Variants in WASHC2C observed in about 807,000 individuals in gnomAD.
WASHC2C encodes Vaccinia Penetration Factor.
Under a neutral mutation model 142.2 loss-of-function variants are expected in WASHC2C, and 73 were observed. That is an observed-to-expected ratio of 0.51 (90% CI 0.43 to 0.62). The LOEUF (loss-of-function observed/expected upper bound fraction) is 0.62, where lower values mean the gene tolerates loss of function less well. Among genes scored for constraint, WASHC2C ranks in the 20% least tolerant of loss-of-function variants. The pLI, the probability that WASHC2C is intolerant of heterozygous loss-of-function variation, is 0.00. For missense variants in WASHC2C, 969 were observed against 1,531.7 expected (o/e 0.63, Z 6.13); for synonymous variants, 337 against 565.5 (o/e 0.60, Z 5.73).
chr10:45,792,138 T>C lies in WASHC2C; in HGVS notation c.3887-123T>C. The C allele has an allele frequency of 3.8e-6, 4 of 1,061,282 alleles. 1 individual carries two copies. In the South Asian group the frequency reaches 4.3e-5, roughly 11 times the overall value. 65.7% of individuals were successfully genotyped at this position (1,061,282 alleles called of 1,614,324 possible). A position where few individuals can be genotyped will look rare whatever the true frequency, so the allele number is the denominator to read the frequency against. On this transcript the variant is annotated intron_variant, in intron 30 of 30. Transcript: ENST00000623400. The stretch of plus-strand genomic sequence containing the variant: ...AATCTAAGAGGCTTGAGTTCTAGGT[T>C]AGTGTTTTAGGGTACTCCATGCTGT...
chr10:45,771,170 GC>G, intron 20 of WASHC2C, among the ~76,000 whole-genome samples: 1 of 151,974 alleles, frequency 6.6e-6, no homozygotes, highest in Admixed American at 6.6e-5. Flanking sequence ...TTGAAGAACA[GC>G]CTGACCAACA....
intron 11 of WASHC2C, 72 bp from the exon 12 acceptor site, chr10:45,752,516 T>C: frequency 7.9e-7 from 1 of 1,270,380 alleles, no homozygotes; most frequent in Non-Finnish European, 1.1e-6. Flanking sequence ...ACACAGCAGA[T>C]GCCAACCCGG....
chr10:45,763,841 A>G (rs1312634267), intron 18 of WASHC2C, among the ~76,000 whole-genome samples: 2 of 151,966 alleles, frequency 1.3e-5, no homozygotes, highest in Non-Finnish European at 2.9e-5. Context: ...AGCTGGGACT[A>G]CAGGTACGCA....
intron 2 of WASHC2C, 144 bp downstream of exon 2, chr10:45,727,683 A>G (rs1329127691): frequency 1.6e-6 from 2 of 1,274,598 alleles, no homozygotes; most frequent in African/African-American, 3.1e-5. Context: ...AGCCCCCGAG[A>G]ATGCCACCCT....
At chr10:45,752,794 G>A in intron 12 of WASHC2C, 88 bp downstream of exon 12, 2 of 881,590 alleles carry the variant, frequency 2.3e-6, no homozygotes, top group Non-Finnish European at 3.5e-6. Flanking sequence ...GTTTAGTGGG[G>A]GAAAAACAGT....
At chr10:45,735,144 C>A (rs2051060871) in intron 3 of WASHC2C, among the ~76,000 whole-genome samples, 1 of 151,620 alleles carries the variant, frequency 6.6e-6, no homozygotes, top group African/African-American at 2.4e-5. Context: ...GGCAAGTCCC[C>A]ATAATCTGTT....
intron 3 of WASHC2C, among the ~76,000 whole-genome samples, chr10:45,736,431 A>AAAAAAAAGGG (rs2051278411): frequency 6.7e-6 from 1 of 149,506 alleles, no homozygotes; most frequent in African/African-American, 2.5e-5. Flanking sequence ...AAAAAAAAAA[A>AAAAAAAAGGG]AAAAAAGGGC....
In WASHC2C at chr10:45,754,482, C is replaced by G; in HGVS notation, c.1181-4C>G. 1.9e-6 allele frequency: 3 copies of G among 1,585,240 alleles called. No individual in the cohort carries two copies. The highest frequency in any genetic ancestry group is 2.3e-5 in the South Asian group (2 of 88,082). Reference sequence around the variant, plus strand: ...AATGGTTACCCCTTGCTTTCTCATTCTAGAGTCTTCATCATCCAAACCTGG... The same window carrying G: ...AATGGTTACCCCTTGCTTTCTCATTGTAGAGTCTTCATCATCCAAACCTGG... On this transcript the variant is annotated splice_region_variant and splice_polypyrimidine_tract_variant and intron_variant, in intron 13 of 30. Coordinates refer to ENST00000623400, the MANE Select transcript of WASHC2C (RefSeq NM_001330074.2).
rs2054371998 is a variant in WASHC2C, at chr10:45,756,889, C to G, written c.1421-123C>G. The G allele has an allele frequency of 5.1e-6, 4 of 777,358 alleles. No homozygotes were observed. The South Asian group carries it at 5.6e-5, about 11-fold the overall frequency. 48.2% of individuals were successfully genotyped at this position (777,358 alleles called of 1,614,324 possible). On this transcript the variant is annotated intron_variant, in intron 15 of 30. Transcript: ENST00000623400. Reference sequence around the variant, plus strand: ...AGTTCCACTTACTATTTCTTTATAACTAATCAAGAAACAACATAACTTTTT... The same window carrying G: ...AGTTCCACTTACTATTTCTTTATAAGTAATCAAGAAACAACATAACTTTTT...
In WASHC2C at chr10:45,765,727, C is replaced by G; in HGVS notation, c.1786C>G (p.Gln596Glu). The stretch of plus-strand genomic sequence containing the variant: ...TGCTAAGAAGCAGACATTGTCTCTA[C>G]AAGCTCAGAGAGAAGAGAAAGCAAA... The part of the protein sequence containing the change: ...TAAKKQTLSL[Q>E]AQREEKAKAS... The change falls in exon 19 of 31, where the codon CAA (glutamine) becomes GAA (glutamate). Residue 596 changes from glutamine (Q) to glutamate (E), a missense_variant. Coordinates refer to ENST00000623400, the MANE Select transcript of WASHC2C (RefSeq NM_001330074.2). 1 of 1,612,014 alleles carries G rather than the reference C, an allele frequency of 6.2e-7. No individual in the cohort carries two copies. The highest frequency in any genetic ancestry group is 2.2e-5 in the East Asian group (1 of 44,878).
intron 21 of WASHC2C, among the ~76,000 whole-genome samples, chr10:45,775,679 A>ATTTTT (rs1554886147): frequency 5.1e-5 from 7 of 137,864 alleles, no homozygotes; most frequent in African/African-American, 1.9e-4. Context: ...ATTTGCATTG[A>ATTTTT]ATTTTTTTTT....
chr10:45,738,711 T>A (rs1217886450), intron 4 of WASHC2C, among the ~76,000 whole-genome samples: 6 of 152,118 alleles, frequency 3.9e-5, no homozygotes, highest in African/African-American at 1.4e-4. Flanking sequence ...ATTTAAAAAA[T>A]TTTTTTATTT....
chr10:45,790,654 G>A, intron 30 of WASHC2C, 121 bp downstream of exon 30: 2 of 841,770 alleles, frequency 2.4e-6, no homozygotes, highest in Non-Finnish European at 4.0e-6. Flanking sequence ...TCACTTCAGT[G>A]TAATCCTGAG....
At position 45,727,279 on chromosome 10, in the gene WASHC2C, T is replaced by G; in HGVS notation, c.-39T>G. ...CCGGGGCTCTGCGGTCCTCGGCCTGTGCTGGCAGCCTCGGAGCCCACCGAG... is the reference window on the plus strand; with the variant it reads ...CCGGGGCTCTGCGGTCCTCGGCCTGGGCTGGCAGCCTCGGAGCCCACCGAG... On this transcript the variant is annotated 5_prime_UTR_variant, in exon 1 of 31. Transcript: ENST00000623400. 5.2e-6 allele frequency: 8 copies of G among 1,551,554 alleles called. No homozygotes were observed. The highest frequency in any genetic ancestry group is 6.1e-6 in the Non-Finnish European group (7 of 1,149,354).
At chr10:45,777,064 G>A (rs1440404451) in intron 21 of WASHC2C, among the ~76,000 whole-genome samples, 1 of 151,858 alleles carries the variant, frequency 6.6e-6, no homozygotes, top group Non-Finnish European at 1.5e-5. Flanking sequence ...CAGGTGATAT[G>A]GTGGCGTGAA....
At chr10:45,765,974 T>C (rs1337313400) in intron 19 of WASHC2C, among the ~76,000 whole-genome samples, 164 bp downstream of exon 19, 3 of 152,234 alleles carry the variant, frequency 2.0e-5, no homozygotes, top group African/African-American at 7.2e-5. Context: ...TAATGTAATA[T>C]ATTAATTTAA....
At chr10:45,749,131 G>T (rs554350430) in intron 8 of WASHC2C, among the ~76,000 whole-genome samples, 2 of 152,032 alleles carry the variant, frequency 1.3e-5, no homozygotes, top group South Asian at 4.2e-4. Context: ...TCTAGTAAAA[G>T]GCTGGGCATG....
rs2058332429 is a variant in WASHC2C at position 45,790,482 on chromosome 10, G to A, written c.3835G>A (p.Glu1279Lys). ...IFADLTVKPK[E>K]KSKKKVEAKS... ...TGCTGACTTAACTGTAAAACCAAAA[G>A]AAAAGTCCAAAAAGAAAGTGGAAGC... The change falls in exon 30 of 31, where the codon GAA becomes AAA. Residue 1279 changes from glutamate (E) to lysine (K), a missense_variant. Glu to Lys is a moderately conservative substitution (Grantham distance 56, BLOSUM62 1). Coordinates refer to ENST00000623400, the MANE Select transcript of WASHC2C (RefSeq NM_001330074.2). The A allele has an allele frequency of 3.1e-6, 5 of 1,610,884 alleles. No individual in the cohort carries two copies. In the South Asian group the frequency reaches 5.5e-5, roughly 18 times the overall value.
intron 30 of WASHC2C, among the ~76,000 whole-genome samples, chr10:45,791,241 G>A (rs1199277888): frequency 4.6e-5 from 7 of 152,252 alleles, no homozygotes; most frequent in South Asian, 2.1e-4. Context: ...CCAGCAAGCC[G>A]TATGCTCTGT....
Sources: gnomAD v4.1 joint callset for allele counts (sites outside exome capture counted in the v4.1 genomes callset) on GRCh38, gnomAD v4.1.1 for gene constraint, MANE v1.5 for transcripts, NCBI Gene and HGNC (gene_info 2026-07-23, HGNC 2026-07-21) for gene names.